The following BMPR1B variants were observed in gnomAD, a reference collection of about 807,000 sequenced individuals.
The protein encoded by BMPR1B is bone morphogenetic protein receptor type 1B.
BMPR1B carries 12 observed loss-of-function variants against 59.1 expected under a neutral mutation model. The ratio of observed to expected loss-of-function variants is 0.20; its 90% CI spans 0.13 to 0.33. The LOEUF (loss-of-function observed/expected upper bound fraction) is 0.33, where lower values mean the gene tolerates loss of function less well. Among genes scored for constraint, BMPR1B ranks in the 10% least tolerant of loss-of-function variants. The pLI, the probability that BMPR1B is intolerant of heterozygous loss-of-function variation, is 1.00. For missense variants in BMPR1B, 550 were observed against 610.9 expected (o/e 0.90, Z 1.05); for synonymous variants, 237 against 207.3 (o/e 1.14, Z -1.23).
At chr4:95,031,501 G>T (rs1724852397) in intron 3 of BMPR1B, among the ~76,000 whole-genome samples, 1 of 152,026 alleles carries the variant, frequency 6.6e-6, no homozygotes, top group African/African-American at 2.4e-5. Flanking sequence ...AGGCTGGAGT[G>T]CAATGGTTAT....
chr4:95,017,621 A>G lies in BMPR1B; in HGVS notation c.-18+21487A>G, dbSNP rs190539909. On this transcript the variant is annotated intron_variant, in intron 3 of 12. Transcript: ENST00000515059. ...ATGAATCTTGGCACTTAGCATCAGT[A>G]TTTCAATATTTCATCAGTATTTCAG... 7.2e-5 allele frequency among the ~76,000 whole-genome samples: 11 copies of G among 152,298 alleles called. No homozygotes were observed. In the East Asian group the frequency reaches 2.1e-3, roughly 29 times the overall value.
intron 2 of BMPR1B, among the ~76,000 whole-genome samples, chr4:94,915,221 T>A (rs563958823): frequency 6.6e-6 from 1 of 152,370 alleles, no homozygotes; most frequent in African/African-American, 2.4e-5. Context: ...ATCACTCATC[T>A]TTCATTACCA....
chr4:95,045,410 T>C (rs947245071), intron 3 of BMPR1B, among the ~76,000 whole-genome samples: 2 of 152,154 alleles, frequency 1.3e-5, no homozygotes, highest in African/African-American at 4.8e-5. Flanking sequence ...TCAAAACTTC[T>C]AATTATGGGC....
rs571749716 is a variant in BMPR1B at position 95,109,245 on chromosome 4, T to C, written c.143+4678T>C. On this transcript the variant is annotated intron_variant, in intron 4 of 12. Coordinates refer to ENST00000515059, the MANE Select transcript of BMPR1B (RefSeq NM_001203.3). ...CAAGAATTCTCCTGCCTGGGCAGTTTTCAGGGTTTACAGATGTAATAAATC... is the reference window on the plus strand; with the variant it reads ...CAAGAATTCTCCTGCCTGGGCAGTTCTCAGGGTTTACAGATGTAATAAATC... Among the ~76,000 whole-genome samples the C allele has an allele frequency of 3.3e-5, 5 of 152,276 alleles. No homozygotes were observed. The South Asian group carries it at 1.0e-3, about 32-fold the overall frequency.
chr4:95,121,349 A>G (rs1234729380), intron 6 of BMPR1B, among the ~76,000 whole-genome samples: 3 of 152,212 alleles, frequency 2.0e-5, no homozygotes, highest in African/African-American at 7.2e-5. Context: ...TGTTCATGAT[A>G]ATTTCCTAGA....
At chr4:94,926,464 G>A (rs1728894130) in intron 2 of BMPR1B, among the ~76,000 whole-genome samples, 1 of 152,012 alleles carries the variant, frequency 6.6e-6, no homozygotes, top group African/African-American at 2.4e-5. Context: ...TTTATTTAAG[G>A]CCAAGCACAA....
intron 2 of BMPR1B, among the ~76,000 whole-genome samples, chr4:94,896,798 T>G (rs1247845956): frequency 1.3e-5 from 2 of 152,004 alleles, no homozygotes; most frequent in Non-Finnish European, 2.9e-5. Flanking sequence ...AATGATTAAG[T>G]GCCAAAGTAA....
chr4:95,096,613 G>T (rs1221353004), intron 3 of BMPR1B, among the ~76,000 whole-genome samples: 3 of 150,144 alleles, frequency 2.0e-5, no homozygotes, highest in East Asian at 3.9e-4. Context: ...TCTGAAAAAT[G>T]AGAACCAATT....
intron 2 of BMPR1B, among the ~76,000 whole-genome samples, chr4:94,908,093 A>AAAAAAAAAAAAAAAAAAAACAAAAAG (rs1553917473): frequency 8.4e-6 from 1 of 118,712 alleles, no homozygotes; most frequent in African/African-American, 4.3e-5. Flanking sequence ...AAAAAAAAGA[A>AAAAAAAAAAAAAAAAAAAACAAAAAG]AAAACAAAAA....
At chr4:95,063,738 TG>T (rs1727587947) in intron 3 of BMPR1B, among the ~76,000 whole-genome samples, 1 of 152,100 alleles carries the variant, frequency 6.6e-6, no homozygotes, top group African/African-American at 2.4e-5. Context: ...CCCATACTCT[TG>T]AAAAACATGC....
chr4:94,946,709 G>T (rs1282695827), intron 2 of BMPR1B, among the ~76,000 whole-genome samples: 2 of 152,116 alleles, frequency 1.3e-5, no homozygotes, highest in African/African-American at 4.8e-5. Context: ...TTCCCTTTCA[G>T]TTGCTGTATT....
At chr4:95,029,983 T>C (rs1724708565) in intron 3 of BMPR1B, among the ~76,000 whole-genome samples, 1 of 151,912 alleles carries the variant, frequency 6.6e-6, no homozygotes, top group Non-Finnish European at 1.5e-5. Context: ...TTCTTGTAAA[T>C]TTGTTTGAGT....
chr4:95,072,598 A>C (rs1287249719), intron 3 of BMPR1B, among the ~76,000 whole-genome samples: 1 of 152,072 alleles, frequency 6.6e-6, no homozygotes, highest in Non-Finnish European at 1.5e-5. Context: ...TCACCATGAT[A>C]TTTTTCATGT....
intron 2 of BMPR1B, among the ~76,000 whole-genome samples, chr4:94,937,739 G>GACACACACACACACACACACAA (rs1729373840): frequency 8.9e-6 from 1 of 112,798 alleles, no homozygotes; most frequent in African/African-American, 3.7e-5. Flanking sequence ...CACACACACA[G>GACACACACACACACACACACAA]ACACACACAA....
At chr4:94,998,601 G>C (rs1476192307) in intron 3 of BMPR1B, among the ~76,000 whole-genome samples, 1 of 151,994 alleles carries the variant, frequency 6.6e-6, no homozygotes, top group Non-Finnish European at 1.5e-5. Context: ...TCAAACTCCT[G>C]AGCTCAGGTG....
intron 1 of BMPR1B, among the ~76,000 whole-genome samples, chr4:94,797,138 C>T (rs1035736017): frequency 8.5e-5 from 13 of 152,196 alleles, no homozygotes; most frequent in Admixed American, 2.6e-4. Context: ...CGAATTAGGA[C>T]GAAGCAAAAG....
intron 3 of BMPR1B, among the ~76,000 whole-genome samples, chr4:95,024,754 A>G (rs1265468146): frequency 6.6e-6 from 1 of 152,180 alleles, no homozygotes; most frequent in Non-Finnish European, 1.5e-5. Flanking sequence ...TAAAATGAGG[A>G]AAAAAGTTGG....
chr4:94,878,756 T>G (rs1226864021), intron 2 of BMPR1B, among the ~76,000 whole-genome samples: 1 of 151,538 alleles, frequency 6.6e-6, no homozygotes, highest in Non-Finnish European at 1.5e-5. Flanking sequence ...TTTTTTTACT[T>G]CTGATATGCT....
At chr4:94,993,106 G>A (rs573284064) in intron 2 of BMPR1B, among the ~76,000 whole-genome samples, 1 of 152,068 alleles carries the variant, frequency 6.6e-6, no homozygotes, top group African/African-American at 2.4e-5. Flanking sequence ...TCCCAGGCTG[G>A]TCTCGAACTT....
Sources: allele counts gnomAD v4.1 joint callset (sites outside exome capture counted in the v4.1 genomes callset), GRCh38; gene constraint gnomAD v4.1.1; transcripts MANE v1.5; gene names NCBI Gene and HGNC (gene_info 2026-07-23, HGNC 2026-07-21).